Variants in FGD4 observed in about 807,000 individuals in gnomAD.
The protein encoded by FGD4 is FYVE, RhoGEF and PH domain-containing protein 4.
A neutral mutation model predicts 102.0 loss-of-function variants in FGD4; 42 were observed. The observed-to-expected ratio is 0.41, with a 90% CI of 0.32 to 0.53. FGD4 has a LOEUF of 0.53. Among genes scored for constraint, FGD4 ranks in the 20% least tolerant of loss-of-function variants. The pLI is 0.21. For missense variants in FGD4, 902 were observed against 1,078.2 expected, an observed-to-expected ratio of 0.84 and a Z score of 2.29; for synonymous variants, 380 against 375.7, an observed-to-expected ratio of 1.01 and a Z score of -0.13.
intron 3 of FGD4, among the ~76,000 whole-genome samples, chr12:32,580,482 C>T (rs935964021): frequency 6.6e-6 from 1 of 152,126 alleles, no homozygotes; most frequent in Non-Finnish European, 1.5e-5. Flanking sequence ...GCAACCTCAC[C>T]GAGTTTTAGT....
At chr12:32,593,801 T>C (rs535941207) in intron 4 of FGD4, among the ~76,000 whole-genome samples, 4 of 152,164 alleles carry the variant, frequency 2.6e-5, no homozygotes, top group Non-Finnish European at 5.9e-5. Context: ...AATCAGAACA[T>C]AGGATATGAG....
intron 1 of FGD4, among the ~76,000 whole-genome samples, chr12:32,547,898 G>T (rs1319275146): frequency 2.0e-5 from 3 of 152,096 alleles, no homozygotes; most frequent in Non-Finnish European, 4.4e-5. Context: ...TAGAGACGGG[G>T]TTTTACCATG....
At chr12:32,619,615 G>A in intron 10 of FGD4, 83 bp from the exon 11 acceptor site, 1 of 1,473,358 alleles carries the variant, frequency 6.8e-7, no homozygotes, top group Non-Finnish European at 9.5e-7. Flanking sequence ...CTGGGCAACA[G>A]AGTGAGACTC....
intron 1 of FGD4, among the ~76,000 whole-genome samples, chr12:32,531,245 G>A (rs776908519): frequency 1.3e-4 from 20 of 151,760 alleles, no homozygotes; most frequent in South Asian, 2.1e-4. Context: ...CACTCCACCC[G>A]GCCCTCCTAG....
chr12:32,541,956 C>T (rs1011964256), intron 1 of FGD4, among the ~76,000 whole-genome samples: 4 of 134,840 alleles, frequency 3.0e-5, no homozygotes, highest in South Asian at 2.1e-4. Flanking sequence ...TGCTTTTTTC[C>T]TCAGGGAAAA....
At chr12:32,601,142 T>A in intron 5 of FGD4, 136 bp from the exon 6 acceptor site, 1 of 841,682 alleles carries the variant, frequency 1.2e-6, no homozygotes, top group South Asian at 1.6e-5. Flanking sequence ...CTCCTAAATT[T>A]CAAAGGATTC....
intron 3 of FGD4, among the ~76,000 whole-genome samples, chr12:32,576,880 C>G (rs996953851): frequency 2.0e-5 from 3 of 152,106 alleles, no homozygotes; most frequent in African/African-American, 7.2e-5. Context: ...CTTGTCTCCT[C>G]CCTGGGGCCC....
At chr12:32,436,714 C>T (rs577830622) in intron 1 of FGD4, among the ~76,000 whole-genome samples, 20 of 152,160 alleles carry the variant, frequency 1.3e-4, no homozygotes, top group African/African-American at 4.3e-4. Flanking sequence ...GACACTAGGT[C>T]CCAGAAAAAA....
At position 32,636,971 on chromosome 12, in the gene FGD4, A is replaced by G. The variant is rs558683489; in HGVS notation, c.2314-1684A>G. On this transcript the variant is annotated intron_variant, in intron 15 of 16. Transcript: ENST00000534526. ...CTGCAATCTCTGCCTCCCCGGTCCA[A>G]GCAATTCTTATGTCTCAGCCTCCTG... Among the ~76,000 whole-genome samples, 21 of 150,768 alleles carry G rather than the reference A, an allele frequency of 1.4e-4. No individual in the cohort carries two copies. The South Asian group carries it at 3.8e-3, about 27-fold the overall frequency.
At chr12:32,525,873 G>A (rs967835107) in intron 1 of FGD4, among the ~76,000 whole-genome samples, 11 of 152,234 alleles carry the variant, frequency 7.2e-5, no homozygotes, top group Admixed American at 2.0e-4. Flanking sequence ...CACCGGTGCT[G>A]CGCTCGATTT....
chr12:32,539,208 C>A (rs7136623), intron 1 of FGD4, among the ~76,000 whole-genome samples: 142,681 of 152,302 alleles, frequency 0.94, 66,994 homozygotes, highest in East Asian at 1. Context: ...AAAAGTAAAA[C>A]GATTGAATAA....
At chr12:32,454,993 ATTC>A (rs958181813) in intron 1 of FGD4, among the ~76,000 whole-genome samples, 2 of 152,192 alleles carry the variant, frequency 1.3e-5, no homozygotes, top group African/African-American at 4.8e-5. Context: ...GAGCATGTTT[ATTC>A]CCAAGGTAAC....
At chr12:32,466,084 A>G (rs1405104561) in intron 1 of FGD4, among the ~76,000 whole-genome samples, 2 of 152,176 alleles carry the variant, frequency 1.3e-5, no homozygotes, top group East Asian at 3.9e-4. Flanking sequence ...AGCCTAAAGT[A>G]TATTTTAATT....
chr12:32,408,805 G>A (rs12302962), intron 1 of FGD4, among the ~76,000 whole-genome samples: 2,521 of 152,212 alleles, frequency 0.017, 74 homozygotes, highest in African/African-American at 0.056. Flanking sequence ...TGTGACATTT[G>A]TACCTTTTTA....
intron 1 of FGD4, among the ~76,000 whole-genome samples, chr12:32,406,812 T>A (rs1940952567): frequency 6.6e-6 from 1 of 151,986 alleles, no homozygotes; most frequent in Admixed American, 6.6e-5. Flanking sequence ...TTTTTTTGTT[T>A]GTTTGCTTTT....
intron 1 of FGD4, among the ~76,000 whole-genome samples, chr12:32,456,257 C>A (rs1050032734): frequency 5.9e-5 from 9 of 152,064 alleles, no homozygotes; most frequent in South Asian, 2.1e-4. Context: ...ATAGTGTATA[C>A]TTTTGCTATG....
intron 1 of FGD4, among the ~76,000 whole-genome samples, chr12:32,480,284 C>T (rs1294806984): frequency 5.9e-5 from 9 of 151,838 alleles, no homozygotes; most frequent in African/African-American, 2.2e-4. Flanking sequence ...GTCTCAGCCT[C>T]CCAAGTAGCT....
At chr12:32,600,711 C>G (rs950746012) in intron 5 of FGD4, among the ~76,000 whole-genome samples, 3 of 151,054 alleles carry the variant, frequency 2.0e-5, no homozygotes, top group African/African-American at 7.3e-5. Context: ...AGGTAAGTAT[C>G]TGAGAATTGA....
intron 1 of FGD4, among the ~76,000 whole-genome samples, chr12:32,470,769 C>T (rs1359873593): frequency 6.6e-6 from 1 of 152,056 alleles, no homozygotes; most frequent in Admixed American, 6.5e-5. Flanking sequence ...TGAAGGTTTC[C>T]TTGTCTCTTC....
Sources: allele counts gnomAD v4.1 joint callset (sites outside exome capture counted in the v4.1 genomes callset), GRCh38; gene constraint gnomAD v4.1.1; transcripts MANE v1.5; gene names NCBI Gene and HGNC (gene_info 2026-07-23, HGNC 2026-07-21).